The following DNAJC15 variants were observed in gnomAD, a reference collection of about 807,000 sequenced individuals.
DNAJC15 encodes the protein dnaJ homolog subfamily C member 15.
In DNAJC15, 27 loss-of-function variants were observed where a neutral mutation model predicts 22.4. That is an observed-to-expected ratio of 1.20 (90% CI 0.89 to 1.66). The LOEUF (loss-of-function observed/expected upper bound fraction) is 1.66. Ranked by LOEUF, DNAJC15 falls within the 40% of genes most tolerant of loss-of-function variation. The pLI, the probability that DNAJC15 is intolerant of heterozygous loss-of-function variation, is 0.00. For missense variants in DNAJC15, 208 were observed against 187.1 expected (o/e 1.11, Z -0.65); for synonymous variants, 79 against 63.2 (o/e 1.25, Z -1.19).
rs545899196 is a variant in DNAJC15, at chr13:43,034,534, C to G, written c.108+10800C>G. Among the ~76,000 whole-genome samples the G allele has an allele frequency of 4.2e-4, 64 of 151,898 alleles. 1 individual carries two copies. The highest frequency in any genetic ancestry group is 4.7e-4 in the Non-Finnish European group (32 of 67,928). On this transcript the variant is annotated intron_variant, in intron 1 of 5. Transcript: ENST00000379221. ...GTTTCCCCGTGTTAGCCAGGATGGT[C>G]TTGTTCTCCTGACCTAGTGATCCGC...
At chr13:43,048,325 CAAAA>C (rs766125510) in intron 1 of DNAJC15, among the ~76,000 whole-genome samples, 2 of 130,362 alleles carry the variant, frequency 1.5e-5, no homozygotes, top group South Asian at 4.7e-4. Context: ...ACTAAAAATA[CAAAA>C]AAAAAAAAAA....
At chr13:43,062,804 C>T (rs191178584) in intron 1 of DNAJC15, among the ~76,000 whole-genome samples, 21 of 152,086 alleles carry the variant, frequency 1.4e-4, no homozygotes, top group African/African-American at 3.9e-4. Context: ...CTGCACCCTC[C>T]GCCTCCTGGG....
intron 1 of DNAJC15, among the ~76,000 whole-genome samples, chr13:43,043,203 G>A (rs985281535): frequency 6.6e-6 from 1 of 152,182 alleles, no homozygotes; most frequent in African/African-American, 2.4e-5. Flanking sequence ...CGTCTCCCGG[G>A]TTCAAGCGAG....
chr13:43,034,347 G>T (rs1396138299), intron 1 of DNAJC15, among the ~76,000 whole-genome samples: 1 of 113,714 alleles, frequency 8.8e-6, no homozygotes, highest in African/African-American at 3.5e-5. Context: ...ACAGAGTCTC[G>T]CTGTGTCGCC....
At chr13:43,056,607 T>A (rs1185957443) in intron 1 of DNAJC15, among the ~76,000 whole-genome samples, 1 of 152,242 alleles carries the variant, frequency 6.6e-6, no homozygotes, top group Non-Finnish European at 1.5e-5. Flanking sequence ...ACCTGTCTAG[T>A]GCTGTCAGTG....
At chr13:43,092,511 TG>T (rs2040720127) in intron 5 of DNAJC15, among the ~76,000 whole-genome samples, 1 of 151,184 alleles carries the variant, frequency 6.6e-6, no homozygotes, top group African/African-American at 2.5e-5. Flanking sequence ...CATGTGTGTG[TG>T]TATATATATA....
chr13:43,067,447 A>G (rs2153440904), intron 2 of DNAJC15, among the ~76,000 whole-genome samples: 1 of 152,300 alleles, frequency 6.6e-6, no homozygotes, highest in Admixed American at 6.5e-5. Context: ...AACATAAAGG[A>G]ATTTTAGTAT....
In DNAJC15 at chr13:43,078,883, C is replaced by CA. The variant is rs1319663233; in HGVS notation, c.311+202dup. On this transcript the variant is annotated intron_variant, in intron 4 of 5. Transcript: ENST00000379221. Reference sequence around the variant, plus strand: ...CCTAAAAAAACAAAACAAAACAAAACAAAAAAACAGGCAAAGTTGTGAAGT... The same window carrying CA: ...CCTAAAAAAACAAAACAAAACAAAACAAAAAAAACAGGCAAAGTTGTGAAGT... 1.9e-4 allele frequency: 77 copies of CA among 397,170 alleles called. No homozygotes were observed. In the East Asian group the frequency reaches 2.3e-3, roughly 12 times the overall value. 24.6% of individuals were successfully genotyped at this position (397,170 alleles called of 1,614,324 possible).
At chr13:43,093,651 GCCGTCCTGCCA>G (rs1237836451) in intron 5 of DNAJC15, among the ~76,000 whole-genome samples, 3 of 152,172 alleles carry the variant, frequency 2.0e-5, no homozygotes, top group Admixed American at 1.3e-4. Flanking sequence ...CTGGACTCAA[GCCGTCCTGCCA>G]CCTTGGCCTC....
intron 1 of DNAJC15, among the ~76,000 whole-genome samples, chr13:43,024,677 C>A (rs2040371421): frequency 6.6e-6 from 1 of 151,880 alleles, no homozygotes; most frequent in African/African-American, 2.4e-5. Flanking sequence ...TATTAAACAA[C>A]TGAAGAGAAA....
rs186758434 is a variant in DNAJC15, at chr13:43,091,106, A to G, written c.382+5268A>G. On this transcript the variant is annotated intron_variant, in intron 5 of 5. Transcript: ENST00000379221. The stretch of plus-strand genomic sequence containing the variant: ...TATTTCTTTATTTTTTATTTTTGAG[A>G]CAGAATCTCACTCTGTCACCTAGGC... Among the ~76,000 whole-genome samples the G allele has an allele frequency of 7.2e-5, 11 of 151,912 alleles. No individual in the cohort carries two copies. The East Asian group carries it at 2.1e-3, about 29-fold the overall frequency.
rs1432537092 is a variant in DNAJC15 at position 43,110,401 on chromosome 13, G to C, written c.*3153G>C. On this transcript the variant is annotated 3_prime_UTR_variant, in exon 6 of 6. Coordinates refer to ENST00000379221, the MANE Select transcript of DNAJC15 (RefSeq NM_013238.3). Reference sequence around the variant, plus strand: ...AGCCTGCCTCGATTCAAAGGGAGAGGATAGAGAGGACTGAAGGAATCAGTG... The same window carrying C: ...AGCCTGCCTCGATTCAAAGGGAGAGCATAGAGAGGACTGAAGGAATCAGTG... 6.6e-6 allele frequency: 1 copy of C among 152,232 alleles called. No homozygotes were observed. Among genetic ancestry groups the C allele is most frequent in the Non-Finnish European group, 1.5e-5 (1 of 68,056 alleles). 9.4% of individuals were successfully genotyped at this position (152,232 alleles called of 1,614,324 possible).
chr13:43,043,603 A>G (rs934714248), intron 1 of DNAJC15, among the ~76,000 whole-genome samples: 34 of 152,194 alleles, frequency 2.2e-4, no homozygotes, highest in Non-Finnish European at 1.5e-5. Flanking sequence ...GGAGTTTTTA[A>G]TTATGCTGGA....
In DNAJC15 at chr13:43,107,475, G is replaced by A; in HGVS notation, c.*227G>A. On this transcript the variant is annotated 3_prime_UTR_variant, in exon 6 of 6. Transcript: ENST00000379221. ...ACTGATCTTTTTTCTTATTTTGTTT[G>A]TGACATTCATACATTTTTAAGATTT... is the stretch of plus-strand genomic sequence containing the variant. The A allele has an allele frequency of 3.2e-6, 1 of 313,910 alleles. No homozygotes were observed. Among genetic ancestry groups the A allele is most frequent in the Non-Finnish European group, 5.8e-6 (1 of 173,660 alleles). 19.4% of individuals were successfully genotyped at this position (313,910 alleles called of 1,614,324 possible).
chr13:43,090,597 C>G (rs1384327994), intron 5 of DNAJC15, among the ~76,000 whole-genome samples: 1 of 151,778 alleles, frequency 6.6e-6, no homozygotes. Flanking sequence ...GTTATTTTGC[C>G]TTTTTTTGAA....
intron 3 of DNAJC15, among the ~76,000 whole-genome samples, chr13:43,071,754 T>C (rs1051593028): frequency 6.6e-6 from 1 of 152,158 alleles, no homozygotes; most frequent in African/African-American, 2.4e-5. Flanking sequence ...AAGGCTCAAG[T>C]TTCAACGGGG....
At chr13:43,061,770 A>G (rs926362410) in intron 1 of DNAJC15, among the ~76,000 whole-genome samples, 5 of 152,256 alleles carry the variant, frequency 3.3e-5, no homozygotes, top group Non-Finnish European at 7.3e-5. Context: ...ATTTGCCCCC[A>G]TGATCTACGC....
At chr13:43,090,640 C>T (rs2040709801) in intron 5 of DNAJC15, among the ~76,000 whole-genome samples, 1 of 151,480 alleles carries the variant, frequency 6.6e-6, no homozygotes, top group South Asian at 2.1e-4. Context: ...GGCGCTCTGG[C>T]CTCTTAAAAG....
intron 1 of DNAJC15, among the ~76,000 whole-genome samples, chr13:43,025,095 G>C (rs1426039456): frequency 2.6e-5 from 4 of 151,844 alleles, no homozygotes; most frequent in African/African-American, 4.8e-5. Flanking sequence ...TAGAGATTTA[G>C]AAAGTTTTAA....
Sources: allele counts gnomAD v4.1 joint callset (sites outside exome capture counted in the v4.1 genomes callset), GRCh38; gene constraint gnomAD v4.1.1; transcripts MANE v1.5; gene names NCBI Gene and HGNC (gene_info 2026-07-23, HGNC 2026-07-21).